The following SAMMSON variants were observed in gnomAD, a reference collection of about 807,000 sequenced individuals.
The protein encoded by SAMMSON is survival associated mitochondrial melanoma specific oncogenic non-coding RNA.
chr3:70,123,011 C>G (rs1472770657), intron 4 of SAMMSON, among the ~76,000 whole-genome samples: 1 of 152,138 alleles, frequency 6.6e-6, no homozygotes, highest in Non-Finnish European at 1.5e-5. Flanking sequence ...TCTAAATTAC[C>G]TGAAATACTT....
At position 70,409,297 on chromosome 3, in the gene SAMMSON, A is replaced by T. The variant is rs185789953; in HGVS notation, n.233+50973A>T. 2.0e-4 allele frequency among the ~76,000 whole-genome samples: 30 copies of T among 152,322 alleles called. No individual in the cohort carries two copies. The East Asian group carries it at 5.6e-3, about 28-fold the overall frequency. On this transcript the variant is annotated intron_variant and non_coding_transcript_variant, in intron 2 of 3. Coordinates refer to the SAMMSON transcript ENST00000641053. The stretch of plus-strand genomic sequence containing the variant: ...AATATATTTCATTTAATAAATTGAT[A>T]ACATTCCATCAGGATATGAGAATTT...
At chr3:70,397,106 A>G (rs1193090844) in intron 2 of SAMMSON, among the ~76,000 whole-genome samples, 1 of 152,230 alleles carries the variant, frequency 6.6e-6, no homozygotes, top group Non-Finnish European at 1.5e-5. Context: ...CTAATGTAAT[A>G]AAGAAGGAAA....
chr3:70,116,427 A>G (rs572183572), intron 4 of SAMMSON, among the ~76,000 whole-genome samples: 42 of 150,280 alleles, frequency 2.8e-4, no homozygotes, highest in Non-Finnish European at 5.3e-4. Flanking sequence ...TAAATGATCT[A>G]TTTATTTACA....
chr3:70,386,408 G>T (rs1016202886), intron 9 of SAMMSON, among the ~76,000 whole-genome samples: 4 of 151,954 alleles, frequency 2.6e-5, no homozygotes, highest in African/African-American at 7.3e-5. Context: ...TTTATGAAGA[G>T]ATTTAACCTA....
intron 7 of SAMMSON, among the ~76,000 whole-genome samples, chr3:70,339,569 C>G: frequency 6.6e-6 from 1 of 152,110 alleles, no homozygotes; most frequent in Non-Finnish European, 1.5e-5. Context: ...AAAAATCAAA[C>G]AACCCCATCA....
intron 6 of SAMMSON, among the ~76,000 whole-genome samples, chr3:70,290,784 C>G (rs539049205): frequency 6.5e-4 from 99 of 152,292 alleles, no homozygotes; most frequent in South Asian, 3.5e-3. Flanking sequence ...TTAAGCTTGT[C>G]GGAAAAGCGC....
At chr3:70,362,670 G>C (rs1281472618) in intron 9 of SAMMSON, among the ~76,000 whole-genome samples, 2 of 151,944 alleles carry the variant, frequency 1.3e-5, no homozygotes, top group African/African-American at 4.8e-5. Context: ...ATGTGTGTAT[G>C]TATGTATACA....
At chr3:70,112,769 T>C (rs914974483) in intron 4 of SAMMSON, among the ~76,000 whole-genome samples, 4 of 152,176 alleles carry the variant, frequency 2.6e-5, no homozygotes, top group African/African-American at 9.7e-5. Flanking sequence ...TTTAAATTCG[T>C]TTTCAAAAAT....
intron 2 of SAMMSON, among the ~76,000 whole-genome samples, chr3:70,406,563 A>C (rs2106765948): frequency 6.6e-6 from 1 of 152,350 alleles, no homozygotes; most frequent in South Asian, 2.1e-4. Flanking sequence ...TATAGAAATA[A>C]AATTTATGGC....
At chr3:70,319,277 G>A (rs1455933062) in intron 7 of SAMMSON, among the ~76,000 whole-genome samples, 1 of 152,052 alleles carries the variant, frequency 6.6e-6, no homozygotes. Context: ...CACTATATTA[G>A]GAAAAGGACA....
chr3:70,353,363 A>T (rs1702807576), intron 7 of SAMMSON, among the ~76,000 whole-genome samples: 1 of 152,128 alleles, frequency 6.6e-6, no homozygotes, highest in South Asian at 2.1e-4. Context: ...TATATAAAGA[A>T]CTCAGAAAAC....
At chr3:70,097,155 G>T (rs2067325721) in intron 4 of SAMMSON, among the ~76,000 whole-genome samples, 1 of 152,200 alleles carries the variant, frequency 6.6e-6, no homozygotes, top group South Asian at 2.1e-4. Context: ...ACTGTGAAAA[G>T]CCATACCTCT....
chr3:70,123,229 C>T (rs1422698599), intron 4 of SAMMSON, among the ~76,000 whole-genome samples: 1 of 152,140 alleles, frequency 6.6e-6, no homozygotes, highest in Non-Finnish European at 1.5e-5. Flanking sequence ...CTTTGGTAAC[C>T]TCTATATTAG....
At chr3:70,026,747 T>A (rs762505624) in intron 3 of SAMMSON, among the ~76,000 whole-genome samples, 2 of 152,224 alleles carry the variant, frequency 1.3e-5, no homozygotes, top group Non-Finnish European at 2.9e-5. Context: ...CCACACTAAG[T>A]TTCTGAACTG....
At chr3:70,367,279 A>G (rs557032110) in intron 9 of SAMMSON, among the ~76,000 whole-genome samples, 1 of 151,658 alleles carries the variant, frequency 6.6e-6, no homozygotes, top group African/African-American at 2.4e-5. Context: ...ATCTAATTAA[A>G]TGTTTTATAC....
At chr3:70,131,771 G>A (rs561624520) in intron 4 of SAMMSON, among the ~76,000 whole-genome samples, 23 of 152,012 alleles carry the variant, frequency 1.5e-4, no homozygotes, top group African/African-American at 5.3e-4. Flanking sequence ...TTAAGTAGAG[G>A]TAGGGTCTCA....
intron 4 of SAMMSON, chr3:70,172,354 G>A (rs1280613817): frequency 6.7e-6 from 1 of 149,416 alleles, no homozygotes; most frequent in Non-Finnish European, 1.5e-5. Flanking sequence ...AAGAGTTTAT[G>A]GTCCCACCTG....
chr3:70,059,898 T>G (rs1044048327), intron 3 of SAMMSON, among the ~76,000 whole-genome samples: 1 of 152,052 alleles, frequency 6.6e-6, no homozygotes, highest in Non-Finnish European at 1.5e-5. Flanking sequence ...CTGTTAAGGG[T>G]AATAATAAAA....
At chr3:70,267,057 C>T (rs554983267) in intron 6 of SAMMSON, among the ~76,000 whole-genome samples, 1 of 152,184 alleles carries the variant, frequency 6.6e-6, no homozygotes, top group South Asian at 2.1e-4. Flanking sequence ...TGAGCAATGT[C>T]GTGCCAATGA....
Sources: allele counts gnomAD v4.1 joint callset (sites outside exome capture counted in the v4.1 genomes callset), GRCh38; gene constraint gnomAD v4.1.1; transcripts MANE v1.5; gene names NCBI Gene and HGNC (gene_info 2026-07-23, HGNC 2026-07-21).